GRIP1: variants seen among roughly 807,000 people sequenced by gnomAD.
The protein encoded by GRIP1 is glutamate receptor interacting protein 1.
GRIP1 carries 45 observed loss-of-function variants against 129.9 expected under a neutral mutation model. The observed-to-expected ratio is 0.35, with a 90% CI of 0.27 to 0.44. The LOEUF (loss-of-function observed/expected upper bound fraction) is 0.44. GRIP1 is among the 20% of genes least tolerant of loss of function. The pLI, the probability that GRIP1 is intolerant of heterozygous loss-of-function variation, is 1.00. For missense variants in GRIP1, 1,196 were observed against 1,396.8 expected (o/e 0.86, Z 2.29); for synonymous variants, 530 against 520.8 (o/e 1.02, Z -0.24).
chr12:66,592,087 A>G (rs2063868417), intron 2 of GRIP1, among the ~76,000 whole-genome samples: 1 of 152,216 alleles, frequency 6.6e-6, no homozygotes, highest in South Asian at 2.1e-4. Flanking sequence ...GCATCTAATT[A>G]TATGAATAAA....
chr12:66,728,926 A>G (rs942922706), intron 1 of GRIP1, among the ~76,000 whole-genome samples: 3 of 152,132 alleles, frequency 2.0e-5, no homozygotes, highest in African/African-American at 7.2e-5. Flanking sequence ...TCCTTTCTTT[A>G]TTGGTATTGG....
intron 20 of GRIP1, among the ~76,000 whole-genome samples, chr12:66,378,481 C>A (rs1392652334): frequency 2.0e-5 from 3 of 151,672 alleles, no homozygotes; most frequent in Non-Finnish European, 2.9e-5. Flanking sequence ...GGCACGGTGG[C>A]TCACACCTGT....
At chr12:66,887,278 GA>G (rs1011608945) in intron 1 of GRIP1, among the ~76,000 whole-genome samples, 1 of 152,136 alleles carries the variant, frequency 6.6e-6, no homozygotes, top group African/African-American at 2.4e-5. Context: ...AGAAATGTTT[GA>G]AAAAGAAGGA....
At chr12:66,461,597 T>C (rs1416275601) in intron 9 of GRIP1, among the ~76,000 whole-genome samples, 3 of 152,188 alleles carry the variant, frequency 2.0e-5, no homozygotes, top group Admixed American at 2.0e-4. Context: ...TCTACTCCAA[T>C]GTGTAAAATT....
At chr12:66,701,547 C>G (rs2035354363) in intron 1 of GRIP1, among the ~76,000 whole-genome samples, 1 of 152,118 alleles carries the variant, frequency 6.6e-6, no homozygotes, top group African/African-American at 2.4e-5. Flanking sequence ...TAAATAACTG[C>G]AAGCTCTTTA....
intron 7 of GRIP1, among the ~76,000 whole-genome samples, chr12:66,474,927 G>A (rs970130513): frequency 6.6e-6 from 1 of 152,138 alleles, no homozygotes; most frequent in African/African-American, 2.4e-5. Context: ...CAACTAACAA[G>A]CAAAATGACC....
At chr12:66,705,112 T>A (rs1324382207) in intron 1 of GRIP1, among the ~76,000 whole-genome samples, 2 of 152,098 alleles carry the variant, frequency 1.3e-5, no homozygotes, top group African/African-American at 2.4e-5. Context: ...GAAGTAGGGC[T>A]GAAATCATTT....
intron 1 of GRIP1, among the ~76,000 whole-genome samples, chr12:66,755,007 T>A (rs115231466): frequency 0.018 from 2,815 of 152,274 alleles, 85 homozygotes; most frequent in African/African-American, 0.064. Flanking sequence ...AAAATGCCAT[T>A]ATATCTTTTT....
intron 5 of GRIP1, among the ~76,000 whole-genome samples, chr12:66,519,901 C>A (rs1157839383): frequency 6.6e-6 from 1 of 152,220 alleles, no homozygotes; most frequent in Non-Finnish European, 1.5e-5. Flanking sequence ...CCTTTCCTAT[C>A]AGTCCAACTC....
At chr12:66,901,539 C>G (rs895194986) in intron 1 of GRIP1, among the ~76,000 whole-genome samples, 1 of 152,188 alleles carries the variant, frequency 6.6e-6, no homozygotes, top group Non-Finnish European at 1.5e-5. Flanking sequence ...AATAGTCTTA[C>G]AAGGGAAGAT....
At chr12:67,016,885 G>A (rs527698112) in intron 1 of GRIP1, among the ~76,000 whole-genome samples, 25 of 152,218 alleles carry the variant, frequency 1.6e-4, no homozygotes, top group African/African-American at 5.5e-4. Context: ...GCATTGCCTA[G>A]ATGTTCAATC....
intron 1 of GRIP1, among the ~76,000 whole-genome samples, chr12:67,045,077 C>T (rs12313543): frequency 0.059 from 9,003 of 152,210 alleles, 798 homozygotes; most frequent in African/African-American, 0.19. Flanking sequence ...AGAGTGTATG[C>T]GCTCAACACT....
At chr12:67,053,216 A>G (rs537768560) in intron 1 of GRIP1, among the ~76,000 whole-genome samples, 4 of 152,210 alleles carry the variant, frequency 2.6e-5, no homozygotes, top group Non-Finnish European at 5.9e-5. Context: ...GGCATTTAAA[A>G]AAATGTAGTA....
intron 1 of GRIP1, among the ~76,000 whole-genome samples, chr12:67,002,031 G>GA (rs76427920): frequency 1.3e-4 from 19 of 149,972 alleles, no homozygotes; most frequent in East Asian, 7.8e-4. Flanking sequence ...ATGGAAAAAG[G>GA]AAAAAAAAAT....
intron 2 of GRIP1, among the ~76,000 whole-genome samples, chr12:66,554,204 A>G (rs1019029098): frequency 1.3e-5 from 2 of 152,178 alleles, no homozygotes; most frequent in Admixed American, 1.3e-4. Flanking sequence ...TTTGTCTTGC[A>G]ACTTGGATAC....
At chr12:67,015,623 C>G (rs1011685435) in intron 1 of GRIP1, among the ~76,000 whole-genome samples, 47 of 152,066 alleles carry the variant, frequency 3.1e-4, no homozygotes, top group Non-Finnish European at 3.8e-4. Context: ...AGGAATGATT[C>G]GAATAGAGCA....
rs35452357 is a variant in GRIP1, at chr12:66,363,200, C to CATATAT, written c.3012+8488_3012+8493dup. On this transcript the variant is annotated intron_variant, in intron 23 of 24. Transcript: ENST00000359742. ...ATATGTATATATGTGTGTGTGTGTCCATATATATATATATATATATATATA... is the reference window on the plus strand; with the variant it reads ...ATATGTATATATGTGTGTGTGTGTCCATATATATATATATATATATATATATATATA... 2.9e-3 allele frequency among the ~76,000 whole-genome samples: 254 copies of CATATAT among 88,228 alleles called. 8 individuals carry two copies. Among genetic ancestry groups the CATATAT allele is most frequent in the African/African-American group, 0.011 (230 of 20,088 alleles). The allele number at this position is 88,228 out of a possible 152,430, so 57.9% of individuals were successfully genotyped here.
intron 1 of GRIP1, among the ~76,000 whole-genome samples, chr12:66,937,775 A>C (rs2041511036): frequency 6.6e-6 from 1 of 152,196 alleles, no homozygotes; most frequent in Non-Finnish European, 1.5e-5. Flanking sequence ...ATAGCAGAGA[A>C]AGGGGCAGTT....
intron 19 of GRIP1, among the ~76,000 whole-genome samples, chr12:66,388,038 T>C (rs1222349876): frequency 6.6e-6 from 1 of 150,866 alleles, no homozygotes; most frequent in African/African-American, 2.4e-5. Context: ...TAAAAGGAAC[T>C]GAATGAAAGA....
Sources: allele counts gnomAD v4.1 joint callset (sites outside exome capture counted in the v4.1 genomes callset), GRCh38; gene constraint gnomAD v4.1.1; transcripts MANE v1.5; gene names NCBI Gene and HGNC (gene_info 2026-07-23, HGNC 2026-07-21).